Variants in CHTOP observed in about 807,000 individuals in gnomAD.
CHTOP encodes chromatin target of PRMT1.
A neutral mutation model predicts 33.6 loss-of-function variants in CHTOP; 18 were observed. That is an observed-to-expected ratio of 0.54 (90% CI 0.37 to 0.80). The LOEUF (loss-of-function observed/expected upper bound fraction) is 0.80. CHTOP is among the 30% of genes least tolerant of loss of function. The pLI is 0.00. For missense variants in CHTOP, 263 were observed against 336.8 expected (o/e 0.78, Z 1.71); for synonymous variants, 117 against 127.7 (o/e 0.92, Z 0.56).
In CHTOP at chr1:153,635,142, G is replaced by T. The variant is rs187300619; in HGVS notation, c.-18+799G>T. Among the ~76,000 whole-genome samples the T allele has an allele frequency of 9.6e-3, 1,462 of 151,932 alleles. 9 individuals carry two copies. Among genetic ancestry groups the T allele is most frequent in the Non-Finnish European group, 0.015 (1,022 of 67,960 alleles). On this transcript the variant is annotated intron_variant, in intron 1 of 5. Transcript: ENST00000368694. ...TGGGAAAACAGGCGTGAGCCACCGCGCCCGGCCCTGCCTGTATTTTCACTG... is the reference window on the plus strand; with the variant it reads ...TGGGAAAACAGGCGTGAGCCACCGCTCCCGGCCCTGCCTGTATTTTCACTG...
intron 5 of CHTOP, among the ~76,000 whole-genome samples, chr1:153,644,665 T>G (rs1340214448): frequency 6.6e-6 from 1 of 152,250 alleles, no homozygotes; most frequent in African/African-American, 2.4e-5. Context: ...CCTGATGCTC[T>G]GTGCTCTTGT....
intron 3 of CHTOP, among the ~76,000 whole-genome samples, chr1:153,639,949 T>G (rs10908746): frequency 0.57 from 86,292 of 151,690 alleles, 24,913 homozygotes; most frequent in East Asian, 0.7. Flanking sequence ...AATTTTTGTA[T>G]TTTTAGTAGA....
intron 1 of CHTOP, 81 bp from the exon 2 acceptor site, chr1:153,636,491 T>G: frequency 1.8e-6 from 2 of 1,129,504 alleles, no homozygotes; most frequent in Non-Finnish European, 2.6e-6. Flanking sequence ...GCCTTTTTAT[T>G]TATTTTTGGC....
At chr1:153,643,108 A>G in intron 4 of CHTOP, 119 bp from the exon 5 acceptor site, 4 of 1,230,184 alleles carry the variant, frequency 3.3e-6, no homozygotes, top group Non-Finnish European at 4.8e-6. Flanking sequence ...AGCTTGCCCC[A>G]GCCAACCTAA....
Position 153,638,328 on chromosome 1 carries a change from G to A in CHTOP, c.99G>A (p.Thr33=), listed in dbSNP as rs913922854. The change falls in exon 3 of 6, where the codon ACG becomes ACA. Residue 33 remains threonine, a synonymous_variant. Transcript: ENST00000368694. ...ATATGCTGAAGAACAAACAGCCGAC[G>A]CCAGTGAATATTCGGGCTTCGATGC... ...FTNMLKNKQP[T]PVNIRASMQQ... 13 of 1,614,104 alleles carry A rather than the reference G, an allele frequency of 8.1e-6. No homozygotes were observed. In the East Asian group the frequency reaches 8.9e-5, roughly 11 times the overall value.
chr1:153,640,564 G>A (rs1668584880), intron 3 of CHTOP, among the ~76,000 whole-genome samples: 1 of 152,168 alleles, frequency 6.6e-6, no homozygotes, highest in Admixed American at 6.5e-5. Context: ...TGGATCACCT[G>A]AGGTCAGGAG....
Position 153,636,673 on chromosome 1 carries a change from C to G in CHTOP, c.65+20C>G, listed in dbSNP as rs754536242. ...TGAGCGGTGAGGCAGCCAACAGCAA[C>G]TTCAACTCCTTCCTAAGAAAACATT... On this transcript the variant is annotated intron_variant, in intron 2 of 5. Transcript: ENST00000368694. 6 of 1,606,564 alleles carry G rather than the reference C, an allele frequency of 3.7e-6. No individual in the cohort carries two copies. The South Asian group carries it at 5.5e-5, about 15-fold the overall frequency.
chr1:153,645,558 C>T lies in CHTOP; in HGVS notation c.*289C>T. The T allele has an allele frequency of 2.3e-6, 1 of 438,520 alleles. No individual in the cohort carries two copies. The highest frequency in any genetic ancestry group is 4.1e-6 in the Non-Finnish European group (1 of 244,158). 27.2% of individuals were successfully genotyped at this position (438,520 alleles called of 1,614,324 possible). ...TTCTCTTTGAACACAAATGCATTAG[C>T]CTTGTGGCTAGAACACCCTCTTCCT... On this transcript the variant is annotated 3_prime_UTR_variant, in exon 6 of 6. Coordinates refer to ENST00000368694, the MANE Select transcript of CHTOP (RefSeq NM_015607.4).
chr1:153,643,324 A>G lies in CHTOP; in HGVS notation c.501A>G (p.Leu167=). The G allele has an allele frequency of 6.2e-7, 1 of 1,610,036 alleles. No individual in the cohort carries two copies. Among genetic ancestry groups the G allele is most frequent in the Non-Finnish European group, 8.5e-7 (1 of 1,178,140 alleles). The change falls in exon 5 of 6, where the codon CTA becomes CTG. Residue 167 remains leucine (L), a synonymous_variant. Transcript: ENST00000368694. ...GTGGAGGTCCTGGGAGAGGGGGCCT[A>G]GGGCGTGGAGCTATGGGTCGTGGCG... The part of the protein sequence containing the change: ...RGRGGPGRGG[L]GRGAMGRGGI...
In CHTOP at chr1:153,645,295, C is replaced by A; in HGVS notation, c.*26C>A. ...AGCCTGCCCATCCTCCCATGAGAGA[C>A]TCTTGTTAGTCAACACATCTGTAAA... is the stretch of plus-strand genomic sequence containing the variant. On this transcript the variant is annotated 3_prime_UTR_variant, in exon 6 of 6. Transcript: ENST00000368694. 2 of 1,608,410 alleles carry A rather than the reference C, an allele frequency of 1.2e-6. No individual in the cohort carries two copies. Among genetic ancestry groups the A allele is most frequent in the Non-Finnish European group, 1.7e-6 (2 of 1,175,512 alleles).
At chr1:153,642,831 G>C (rs1398173266) in intron 4 of CHTOP, 5 of 240,770 alleles carry the variant, frequency 2.1e-5, no homozygotes, top group Non-Finnish European at 3.3e-5. Flanking sequence ...TTGACCCACA[G>C]CACTTACCTA....
chr1:153,640,597 T>G (rs575394071), intron 3 of CHTOP, among the ~76,000 whole-genome samples: 195 of 152,190 alleles, frequency 1.3e-3, no homozygotes, highest in African/African-American at 4.5e-3. Context: ...CTGGCCAACA[T>G]GACAAGACCC....
At chr1:153,634,856 A>T (rs933529778) in intron 1 of CHTOP, among the ~76,000 whole-genome samples, 1,384 of 100,116 alleles carry the variant, frequency 0.014, 18 homozygotes, top group African/African-American at 0.031. Context: ...ATATATATAT[A>T]TTTTTTTTTG....
Position 153,645,066 on chromosome 1 carries a change from C to T in CHTOP, c.544C>T (p.Arg182Trp), listed in dbSNP as rs763775189. The T allele has an allele frequency of 8.2e-6, 12 of 1,469,106 alleles. No individual in the cohort carries two copies. The East Asian group carries it at 8.6e-5, about 11-fold the overall frequency. The allele number at this position is 1,469,106 out of a possible 1,614,324, so 91.0% of individuals were successfully genotyped here. ...MGRGGIGGRG[R>W]GMIGRGRGGF... ...TTTTTTTTTCCCCTTTGGGCCAGGTCGGGGTATGATAGGTCGGGGAAGAGG... is the reference window on the plus strand; with the variant it reads ...TTTTTTTTTCCCCTTTGGGCCAGGTTGGGGTATGATAGGTCGGGGAAGAGG... Residue 182 changes from arginine to tryptophan, a missense_variant and splice_region_variant, in exon 6 of 6, where the codon CGG becomes TGG. Arg to Trp is a moderately radical substitution (Grantham distance 101). Coordinates refer to ENST00000368694, the MANE Select transcript of CHTOP (RefSeq NM_015607.4).
chr1:153,642,387 C>A lies in CHTOP; in HGVS notation c.361C>A (p.Arg121Ser), dbSNP rs774613264. 9.3e-6 allele frequency: 15 copies of A among 1,613,844 alleles called. No homozygotes were observed. The highest frequency in any genetic ancestry group is 1.3e-5 in the Non-Finnish European group (15 of 1,179,924). The change falls in exon 4 of 6, where the codon CGT becomes AGT. Residue 121 changes from arginine (R) to serine (S), a missense_variant. Physicochemically the swap from Arg to Ser is moderately radical, Grantham distance 110. This residue lies in a region of CHTOP where 168 missense variants were observed against 179.9 expected (regional missense o/e 0.93). Transcript: ENST00000368694. ...GCCCAGAGGAGGACTACGTGGGGGACGTGCCACCAGAACCCTACTTAGGGG... is the reference window on the plus strand; with the variant it reads ...GCCCAGAGGAGGACTACGTGGGGGAAGTGCCACCAGAACCCTACTTAGGGG... ...GLPRGGLRGG[R>S]ATRTLLRGGM... is the part of the protein sequence containing the mutation.
intron 4 of CHTOP, 89 bp from the exon 5 acceptor site, chr1:153,643,138 C>G (rs1366029786): frequency 1.3e-6 from 2 of 1,510,724 alleles, no homozygotes; most frequent in Non-Finnish European, 1.8e-6. Flanking sequence ...GAATTACCTT[C>G]ATTTAACCCT....
In CHTOP at chr1:153,645,396, T is replaced by A. The variant is rs569954265; in HGVS notation, c.*127T>A. The A allele has an allele frequency of 1.2e-6, 1 of 837,060 alleles. No individual in the cohort carries two copies. The highest frequency in any genetic ancestry group is 1.7e-5 in the South Asian group (1 of 57,290). The allele number at this position is 837,060 out of a possible 1,614,324, so 51.9% of individuals were successfully genotyped here. On this transcript the variant is annotated 3_prime_UTR_variant, in exon 6 of 6. Coordinates refer to ENST00000368694, the MANE Select transcript of CHTOP (RefSeq NM_015607.4). Reference sequence around the variant, plus strand: ...TATCACAATAGGCTGTGGACTTACTTGCCACCAGCTTGTGCATTTAGTGTG... The same window carrying A: ...TATCACAATAGGCTGTGGACTTACTAGCCACCAGCTTGTGCATTTAGTGTG...
chr1:153,645,455 A>C lies in CHTOP; in HGVS notation c.*186A>C, dbSNP rs1571323352. On this transcript the variant is annotated 3_prime_UTR_variant, in exon 6 of 6. Coordinates refer to ENST00000368694, the MANE Select transcript of CHTOP (RefSeq NM_015607.4). ...ACTTTTTGATACTGTGTTGTATGAA[A>C]CCCTTTTGTCCTTTGATTTGGTTTT... 2 of 220,006 alleles carry C rather than the reference A, an allele frequency of 9.1e-6. No homozygotes were observed. Among genetic ancestry groups the C allele is most frequent in the Non-Finnish European group, 1.5e-5 (2 of 130,782 alleles). 13.6% of individuals were successfully genotyped at this position (220,006 alleles called of 1,614,324 possible).
At chr1:153,643,995 T>G (rs1668715774) in intron 5 of CHTOP, 1 of 152,184 alleles carries the variant, frequency 6.6e-6, no homozygotes, top group Admixed American at 6.5e-5. Context: ...TGACCCAGAT[T>G]GGGAAAGAGT....
Sources: allele counts gnomAD v4.1 joint callset (sites outside exome capture counted in the v4.1 genomes callset), GRCh38; gene constraint gnomAD v4.1.1; regional missense constraint gnomAD v4.1.1; transcripts MANE v1.5; gene names NCBI Gene and HGNC (gene_info 2026-07-23, HGNC 2026-07-21).